N4BP2L1: variants seen among roughly 807,000 people sequenced by gnomAD.
N4BP2L1 encodes NEDD4 binding protein 2 like 1.
In N4BP2L1, 12 loss-of-function variants were observed where a neutral mutation model predicts 21.2. That is an observed-to-expected ratio of 0.57 (90% confidence interval 0.36 to 0.92). N4BP2L1 has a LOEUF of 0.92. N4BP2L1 is among the 40% of genes least tolerant of loss of function. The probability of loss-of-function intolerance (pLI) is 0.01; values close to 1 mark genes in which losing one functional copy is unlikely to be tolerated. For missense variants in N4BP2L1, 259 were observed against 310.6 expected (o/e 0.83, Z 1.25); for synonymous variants, 104 against 112.8 (o/e 0.92, Z 0.49).
chr13:32,407,891 G>T, intron 1 of N4BP2L1, 119 bp from the exon 2 acceptor site: 1 of 1,197,390 alleles, frequency 8.4e-7, no homozygotes, highest in Non-Finnish European at 1.2e-6. Flanking sequence ...ACCAGGTTTG[G>T]AGTTGTTAAA....
chr13:32,427,857 T>G (rs2138042421), intron 1 of N4BP2L1, 47 bp downstream of exon 1: 3 of 1,257,816 alleles, frequency 2.4e-6, no homozygotes, highest in Non-Finnish European at 2.1e-6. Flanking sequence ...GCCGGGGCGT[T>G]TGGTGGCCCC....
intron 3 of N4BP2L1, 144 bp from the exon 4 acceptor site, chr13:32,404,541 A>G: frequency 1.6e-6 from 1 of 634,590 alleles, no homozygotes; most frequent in South Asian, 2.1e-5. Flanking sequence ...TATCACAATA[A>G]ATGCAGTTGT....
intron 1 of N4BP2L1, 84 bp downstream of exon 1, chr13:32,427,820 G>A: frequency 3.2e-6 from 3 of 947,110 alleles, no homozygotes; most frequent in Non-Finnish European, 4.1e-6. Context: ...CGGCGCCCGG[G>A]AGCGGCTTGG....
At chr13:32,419,411 AATTTTTTT>A in intron 1 of N4BP2L1, 2 of 265,000 alleles carry the variant, frequency 7.5e-6, no homozygotes, top group South Asian at 2.3e-5. Context: ...ATGCTTGGCT[AATTTTTTT>A]TTTTTTTTTT....
At chr13:32,426,882 G>C (rs2074795535) in intron 1 of N4BP2L1, among the ~76,000 whole-genome samples, 1 of 152,188 alleles carries the variant, frequency 6.6e-6, no homozygotes, top group South Asian at 2.1e-4. Flanking sequence ...AAGCCAAGGA[G>C]CCCAGAAGAG....
At chr13:32,410,572 A>T (rs2073802600) in intron 1 of N4BP2L1, among the ~76,000 whole-genome samples, 1 of 152,178 alleles carries the variant, frequency 6.6e-6, no homozygotes, top group Non-Finnish European at 1.5e-5. Flanking sequence ...CTGTTATTCG[A>T]CTTCTTTAAA....
chr13:32,412,641 C>CCAAAAAAA (rs1253647482), intron 1 of N4BP2L1, among the ~76,000 whole-genome samples: 2 of 101,038 alleles, frequency 2.0e-5, no homozygotes, highest in African/African-American at 7.8e-5. Context: ...TCAACTGTCT[C>CCAAAAAAA]AAAAAAAAAA....
intron 1 of N4BP2L1, among the ~76,000 whole-genome samples, chr13:32,410,210 G>T (rs1037584319): frequency 5.3e-5 from 8 of 152,256 alleles, no homozygotes; most frequent in African/African-American, 1.9e-4. Context: ...ACGTGGGGCT[G>T]GGCGGAGTGC....
chr13:32,418,843 T>A (rs1431768539), intron 1 of N4BP2L1, among the ~76,000 whole-genome samples: 1 of 152,256 alleles, frequency 6.6e-6, no homozygotes. Flanking sequence ...ATAGCCTTTT[T>A]GTTTTGGCCA....
rs896631103 is a variant in N4BP2L1 at position 32,421,636 on chromosome 13, C to T, written c.179+6268G>A. Among the ~76,000 whole-genome samples the T allele has an allele frequency of 3.9e-5, 6 of 152,090 alleles. No individual in the cohort carries two copies. The South Asian group carries it at 6.2e-4, about 16-fold the overall frequency. ...CAATAAGCCAGTGTCCAAAAAGGGCCGGGCAGACAGTCAGCAGTAACCATG... is the reference window on the plus strand; with the variant it reads ...CAATAAGCCAGTGTCCAAAAAGGGCTGGGCAGACAGTCAGCAGTAACCATG... On this transcript the variant is annotated intron_variant, in intron 1 of 4. Transcript: ENST00000380130.
At chr13:32,415,158 G>GA (rs1190614800) in intron 1 of N4BP2L1, among the ~76,000 whole-genome samples, 6 of 152,110 alleles carry the variant, frequency 3.9e-5, no homozygotes, top group Non-Finnish European at 7.4e-5. Context: ...ATGGACCCAG[G>GA]AGTCTAGCAT....
intron 3 of N4BP2L1, 98 bp downstream of exon 3, chr13:32,407,152 T>C (rs1247897047): frequency 1.2e-5 from 15 of 1,257,146 alleles, no homozygotes; most frequent in African/African-American, 3.0e-5. Flanking sequence ...TTAGCAAATA[T>C]GAAATCATGG....
intron 1 of N4BP2L1, among the ~76,000 whole-genome samples, chr13:32,412,566 G>T (rs1430735829): frequency 6.6e-6 from 1 of 150,960 alleles, no homozygotes; most frequent in Non-Finnish European, 1.5e-5. Flanking sequence ...GGCAGAAATT[G>T]CAGTGAGCCA....
chr13:32,418,554 G>C (rs1413921133), intron 1 of N4BP2L1, among the ~76,000 whole-genome samples: 4 of 152,226 alleles, frequency 2.6e-5, no homozygotes, highest in African/African-American at 9.6e-5. Context: ...TAGTGGAGCT[G>C]TAAGAAGAGG....
chr13:32,402,964 C>T lies in N4BP2L1; in HGVS notation c.710G>A (p.Gly237Asp). ...CCTCTAATATCCATGGTGACAACCG[C>T]CCCTTCTGTGATAGGAGCTCTCATT... The part of the protein sequence containing the change: ...FTNESSYHRR[G>D]GCHHGY The change falls in exon 5 of 5, where the codon GGC becomes GAC. Residue 237 changes from glycine to aspartate, a missense_variant. By Grantham distance (94) the Gly-to-Asp change is moderately conservative. Transcript: ENST00000380130. 1 of 1,610,364 alleles carries T rather than the reference C, an allele frequency of 6.2e-7. No homozygotes were observed. Among genetic ancestry groups the T allele is most frequent in the Non-Finnish European group, 8.5e-7 (1 of 1,177,380 alleles).
At chr13:32,403,311 G>C (rs1243658110) in intron 4 of N4BP2L1, 111 bp from the exon 5 acceptor site, 1 of 1,112,398 alleles carries the variant, frequency 9.0e-7, no homozygotes, top group African/African-American at 1.6e-5. Context: ...TCAGGACCTA[G>C]CTCTGGCAAA....
intron 1 of N4BP2L1, among the ~76,000 whole-genome samples, chr13:32,412,389 G>A (rs2137828576): frequency 6.6e-6 from 1 of 152,212 alleles, no homozygotes; most frequent in Non-Finnish European, 1.5e-5. Context: ...CACTTTGGGA[G>A]GCCAAGACGG....
intron 1 of N4BP2L1, chr13:32,416,052 C>T (rs564311531): frequency 6.6e-5 from 10 of 152,186 alleles, no homozygotes; most frequent in Non-Finnish European, 1.3e-4. Flanking sequence ...CATAAACACT[C>T]AATAAATACT....
intron 1 of N4BP2L1, among the ~76,000 whole-genome samples, chr13:32,415,361 C>A (rs2074077677): frequency 6.6e-6 from 1 of 152,170 alleles, no homozygotes; most frequent in South Asian, 2.1e-4. Flanking sequence ...ACAGCTTTTG[C>A]AACAGTCTTT....
Sources: gnomAD v4.1 joint callset for allele counts (sites outside exome capture counted in the v4.1 genomes callset) on GRCh38, gnomAD v4.1.1 for gene constraint, MANE v1.5 for transcripts, NCBI Gene and HGNC (gene_info 2026-07-23, HGNC 2026-07-21) for gene names.